The following FAM184A variants were observed in gnomAD, a reference collection of about 807,000 sequenced individuals.
The protein encoded by FAM184A is protein FAM184A.
A neutral mutation model predicts 143.8 loss-of-function variants in FAM184A; 99 were observed. That is an observed-to-expected ratio of 0.69 (90% confidence interval 0.58 to 0.81). The LOEUF (loss-of-function observed/expected upper bound fraction) is 0.81. FAM184A is among the 40% of genes least tolerant of loss of function. The probability of loss-of-function intolerance (pLI) is 0.00; values close to 1 mark genes in which losing one functional copy is unlikely to be tolerated. For synonymous variants in FAM184A, 427 were observed against 446.4 expected, an observed-to-expected ratio of 0.96 and a Z score of 0.55; for missense variants, 1,217 against 1,310.5, an observed-to-expected ratio of 0.93 and a Z score of 1.10.
intron 1 of FAM184A, among the ~76,000 whole-genome samples, chr6:119,064,375 G>T (rs536604342): frequency 3.3e-5 from 5 of 152,228 alleles, no homozygotes; most frequent in African/African-American, 1.2e-4. Context: ...CCTCTCCAAA[G>T]GACTGCATAG....
chr6:118,991,154 T>A lies in FAM184A; in HGVS notation c.2089-10804A>T, dbSNP rs573980184. Among the ~76,000 whole-genome samples, 6 of 151,966 alleles carry A rather than the reference T, an allele frequency of 3.9e-5. No homozygotes were observed. The South Asian group carries it at 1.2e-3, about 32-fold the overall frequency. On this transcript the variant is annotated intron_variant, in intron 9 of 17. Coordinates refer to ENST00000338891, the MANE Select transcript of FAM184A (RefSeq NM_024581.6). The stretch of plus-strand genomic sequence containing the variant: ...GATGGTAAGAAAAGATATTTTATTT[T>A]ATTTTTTAATTTTTTTTTTTTTTGA...
At chr6:119,002,738 G>C (rs1221726952) in intron 9 of FAM184A, among the ~76,000 whole-genome samples, 161 bp downstream of exon 9, 2 of 152,042 alleles carry the variant, frequency 1.3e-5, no homozygotes, top group Non-Finnish European at 2.9e-5. Context: ...TGTTTTATAA[G>C]TTTATAAATA....
intron 1 of FAM184A, among the ~76,000 whole-genome samples, chr6:119,089,347 G>A (rs978462505): frequency 1.3e-4 from 19 of 151,974 alleles, no homozygotes; most frequent in African/African-American, 4.6e-4. Context: ...GGGATTACAG[G>A]CATCTGCCAC....
chr6:119,066,549 C>T (rs1457221488), intron 1 of FAM184A, among the ~76,000 whole-genome samples: 1 of 152,180 alleles, frequency 6.6e-6, no homozygotes, highest in Non-Finnish European at 1.5e-5. Flanking sequence ...TTTTCTCTAG[C>T]AATGCTCCAC....
chr6:119,140,295 G>T (rs116006432), intron 1 of FAM184A, among the ~76,000 whole-genome samples: 1 of 152,096 alleles, frequency 6.6e-6, no homozygotes, highest in South Asian at 2.1e-4. Context: ...TTCTGGCCAC[G>T]TGTCTTTATT....
intron 1 of FAM184A, among the ~76,000 whole-genome samples, chr6:119,102,158 A>AG (rs776952551): frequency 1.3e-5 from 2 of 152,236 alleles, no homozygotes; most frequent in Non-Finnish European, 2.9e-5. Flanking sequence ...AGGAGTAGTT[A>AG]GGGCAGGGCA....
At chr6:119,040,499 G>GC (rs1313585464) in intron 1 of FAM184A, among the ~76,000 whole-genome samples, 1 of 152,146 alleles carries the variant, frequency 6.6e-6, no homozygotes, top group Non-Finnish European at 1.5e-5. Flanking sequence ...CGGGTGGCTT[G>GC]CAAGGGTGGC....
intron 1 of FAM184A, among the ~76,000 whole-genome samples, chr6:119,040,376 AC>A (rs1272137064): frequency 6.6e-6 from 1 of 152,118 alleles, no homozygotes; most frequent in East Asian, 1.9e-4. Context: ...GAGGCATCTG[AC>A]CCACATGCAT....
chr6:119,114,445 T>C (rs1476644326), intron 1 of FAM184A, among the ~76,000 whole-genome samples: 3 of 152,220 alleles, frequency 2.0e-5, no homozygotes, highest in Non-Finnish European at 4.4e-5. Context: ...AGGAATGGAC[T>C]TTCCTGCCCT....
intron 1 of FAM184A, among the ~76,000 whole-genome samples, chr6:119,135,443 G>A (rs540487243): frequency 1.1e-3 from 163 of 152,198 alleles, no homozygotes; most frequent in Non-Finnish European, 2.0e-3. Context: ...AAACTCTACA[G>A]ATACATTTTA....
intron 1 of FAM184A, among the ~76,000 whole-genome samples, chr6:119,094,225 C>T (rs1380322629): frequency 6.6e-6 from 1 of 152,078 alleles, no homozygotes; most frequent in Admixed American, 6.5e-5. Context: ...GAGCAAGCCA[C>T]TGTGCCTGGC....
intron 1 of FAM184A, among the ~76,000 whole-genome samples, chr6:119,120,965 A>T (rs1262300536): frequency 6.7e-6 from 1 of 148,248 alleles, no homozygotes; most frequent in Non-Finnish European, 1.5e-5. Context: ...GTACCACTGC[A>T]TCTGAAAAAC....
chr6:119,053,714 CTG>C (rs1375604789), intron 1 of FAM184A, among the ~76,000 whole-genome samples: 1 of 152,068 alleles, frequency 6.6e-6, no homozygotes, highest in Non-Finnish European at 1.5e-5. Context: ...AGGGAGGTAA[CTG>C]AGTGGAAAAA....
At chr6:119,074,803 T>TC (rs1053957782) in intron 1 of FAM184A, among the ~76,000 whole-genome samples, 2 of 152,222 alleles carry the variant, frequency 1.3e-5, no homozygotes, top group African/African-American at 4.8e-5. Context: ...AGCTCAAGAA[T>TC]CTAATATTAA....
intron 1 of FAM184A, among the ~76,000 whole-genome samples, chr6:119,112,574 T>G (rs542176804): frequency 6.6e-6 from 1 of 152,218 alleles, no homozygotes; most frequent in Non-Finnish European, 1.5e-5. Flanking sequence ...TCCTTTATCC[T>G]TTTCACTTTC....
At chr6:118,997,592 G>A (rs1784612030) in intron 9 of FAM184A, among the ~76,000 whole-genome samples, 1 of 151,984 alleles carries the variant, frequency 6.6e-6, no homozygotes, top group Non-Finnish European at 1.5e-5. Context: ...GGAGGCTGAG[G>A]CTGGAGAATC....
At chr6:118,977,088 C>T (rs190169740) in intron 11 of FAM184A, among the ~76,000 whole-genome samples, 53 of 152,212 alleles carry the variant, frequency 3.5e-4, no homozygotes, top group Admixed American at 2.9e-3. Context: ...GAAATTTGTA[C>T]GTGAATGTTT....
chr6:119,117,847 C>A (rs1319490626), intron 1 of FAM184A, among the ~76,000 whole-genome samples: 1 of 151,986 alleles, frequency 6.6e-6, no homozygotes, highest in East Asian at 1.9e-4. Flanking sequence ...CCTTTTAGTG[C>A]AAGTTTAGCC....
At chr6:119,003,229 C>T (rs1784819378) in intron 8 of FAM184A, among the ~76,000 whole-genome samples, 180 bp from the exon 9 acceptor site, 1 of 152,118 alleles carries the variant, frequency 6.6e-6, no homozygotes, top group Non-Finnish European at 1.5e-5. Context: ...CAATATCACT[C>T]ATTTATCAAT....
Sources: gnomAD v4.1 joint callset for allele counts (sites outside exome capture counted in the v4.1 genomes callset) on GRCh38, gnomAD v4.1.1 for gene constraint, MANE v1.5 for transcripts, NCBI Gene and HGNC (gene_info 2026-07-23, HGNC 2026-07-21) for gene names.